The following LZTR1 variants were observed in gnomAD, a reference collection of about 807,000 sequenced individuals.
The protein encoded by LZTR1 is leucine zipper like post translational regulator 1.
LZTR1 carries 260 observed loss-of-function variants against 105.7 expected under a neutral mutation model. The observed-to-expected ratio is 2.46, with a 90% CI of 2.22 to 2.72. The LOEUF is 2.72. Among genes scored for constraint, LZTR1 ranks in the 30% most tolerant of loss-of-function variants. The pLI is 0.00. For missense variants in LZTR1, 1,214 were observed against 1,166.9 expected (o/e 1.04, Z -0.59); for synonymous variants, 490 against 476.4 (o/e 1.03, Z -0.37).
intron 2 of LZTR1, among the ~76,000 whole-genome samples, chr22:20,984,436 C>G (rs1479006922): frequency 2.0e-5 from 3 of 152,194 alleles, no homozygotes; most frequent in African/African-American, 7.2e-5. Context: ...CCTTCATCCT[C>G]AAGAGTGTCC....
chr22:20,992,239 G>C lies in LZTR1; in HGVS notation c.1019G>C (p.Arg340Pro). 1 of 1,613,872 alleles carries C rather than the reference G, an allele frequency of 6.2e-7. No homozygotes were observed. Among genetic ancestry groups the C allele is most frequent in the South Asian group, 1.1e-5 (1 of 91,070 alleles). The stretch of plus-strand genomic sequence containing the variant: ...GTTGGTGGGGCTGAAGTGCCCGAGC[G>C]AGCCTGTGCTTCCGAGGAGGTGCCC... ...SEVGGAEVPERACASEEVPTL... is the reference protein window; with the variant it reads ...SEVGGAEVPEPACASEEVPTL... The change falls in exon 10 of 21, where the codon CGA (arginine) becomes CCA (proline). Residue 340 changes from arginine to proline, a missense_variant. By Grantham distance (103) the Arg-to-Pro change is moderately radical (BLOSUM62 -2). Transcript: ENST00000646124.
At position 20,982,532 on chromosome 22, in the gene LZTR1, G is replaced by A. The variant is rs1323078491; in HGVS notation, c.161G>A (p.Trp54Ter). 1.9e-6 allele frequency: 3 copies of A among 1,612,988 alleles called. No homozygotes were observed. The highest frequency in any genetic ancestry group is 2.2e-5 in the South Asian group (2 of 90,858). Residue 54 changes from tryptophan to a stop codon, truncating the protein, a stop_gained, in exon 1 of 21, where the codon TGG becomes TAG. Transcript: ENST00000646124. LOFTEE classifies it high-confidence loss of function. ...GGGCCCTTCGAAACAGTGCATCGCT[G>A]GCGGCGCCTCCCGCCCTGCGACGAG... ...NFGPFETVHR[W>*]RRLPPCDEFV...
rs150365548 is a variant in LZTR1 at position 20,994,002 on chromosome 22, C to T, written c.1432C>T (p.Arg478Trp). The T allele has an allele frequency of 1.4e-5, 22 of 1,610,326 alleles. No homozygotes were observed. Among genetic ancestry groups the T allele is most frequent in the African/African-American group, 5.3e-5 (4 of 74,926 alleles). Residue 478 changes from arginine to tryptophan, a missense_variant, in exon 13 of 21, where the codon CGG (arginine) becomes TGG (tryptophan). By Grantham distance (101) the Arg-to-Trp change is moderately radical. Coordinates refer to ENST00000646124, the MANE Select transcript of LZTR1 (RefSeq NM_006767.4). Reference sequence around the variant, plus strand: ...GCTTCGCAGGAAGATCACGCAGGCGCGGGAGAGGCTGGCCCAGGTGAGGTG... The same window carrying T: ...GCTTCGCAGGAAGATCACGCAGGCGTGGGAGAGGCTGGCCCAGGTGAGGTG... ...RWLRRKITQA[R>W]ERLAQKLEQE...
rs1924440461 is a variant in LZTR1 at position 20,987,569 on chromosome 22, G to T, written c.386G>T (p.Ser129Ile). 6.2e-7 allele frequency: 1 copy of T among 1,614,018 alleles called. No homozygotes were observed. Among genetic ancestry groups the T allele is most frequent in the East Asian group, 2.2e-5 (1 of 44,888 alleles). Residue 129 changes from serine to isoleucine, a missense_variant, in exon 4 of 21, where the codon AGC becomes ATC. Ser to Ile is a moderately radical substitution (Grantham distance 142, BLOSUM62 -2). Coordinates refer to ENST00000646124, the MANE Select transcript of LZTR1 (RefSeq NM_006767.4). The part of the protein sequence containing the change: ...YHHSAVVYGS[S>I]MFVFGGYTGD... ...CACTCGGCCGTCGTCTATGGGAGCA[G>T]CATGTTTGTCTTTGGTAAGCAGCCT...
Position 20,994,263 on chromosome 22 carries a change from C to A in LZTR1, c.1609C>A (p.Arg537=). 1 of 1,597,836 alleles carries A rather than the reference C, an allele frequency of 6.3e-7. No homozygotes were observed. The highest frequency in any genetic ancestry group is 8.5e-7 in the Non-Finnish European group (1 of 1,179,224). Residue 537 remains arginine, a synonymous_variant, in exon 14 of 21, where the codon CGG becomes AGG. Coordinates refer to ENST00000646124, the MANE Select transcript of LZTR1 (RefSeq NM_006767.4). ...CTACACCGACAAGATCAAATACCCA[C>A]GGAAAGGTCCGCCTGGGTGGGGGTG... ...FLYTDKIKYP[R]KGHVEDVLLI...
chr22:20,989,637 G>A lies in LZTR1; in HGVS notation c.606G>A (p.Met202Ile), dbSNP rs768321121. Residue 202 changes from methionine to isoleucine, a missense_variant, in exon 7 of 21, where the codon ATG becomes ATA. Physicochemically the swap from Met to Ile is conservative, Grantham distance 10. Transcript: ENST00000646124. ...GYDGNARLND[M>I]WTIGLQDREL... Reference sequence around the variant, plus strand: ...TGTCCTAATACAGGTTGAATGACATGTGGACAATTGGCCTCCAGGACCGAG... The same window carrying A: ...TGTCCTAATACAGGTTGAATGACATATGGACAATTGGCCTCCAGGACCGAG... The A allele has an allele frequency of 3.7e-6, 6 of 1,613,588 alleles. No individual in the cohort carries two copies. Among genetic ancestry groups the A allele is most frequent in the African/African-American group, 1.3e-5 (1 of 74,920 alleles).
In LZTR1 at chr22:20,983,037, C is replaced by G. The variant is rs1438837277; in HGVS notation, c.211C>G (p.His71Asp). ...DEFVGARRSK[H>D]TVVAYKDAIY... ...CTCCTTTCTTTCCAGGCGCAGCAAG[C>G]ACACAGTGGTGGCCTATAAAGATGC... The change falls in exon 2 of 21, where the codon CAC becomes GAC. Residue 71 changes from histidine (H) to aspartate (D), a missense_variant. Transcript: ENST00000646124. 1 of 1,613,972 alleles carries G rather than the reference C, an allele frequency of 6.2e-7. No individual in the cohort carries two copies.
chr22:20,996,766 CT>C lies in LZTR1; in HGVS notation c.2291del (p.Leu764ArgfsTer3). 1 of 1,613,636 alleles carries C rather than the reference CT, an allele frequency of 6.2e-7. No homozygotes were observed. The highest frequency in any genetic ancestry group is 8.5e-7 in the Non-Finnish European group (1 of 1,180,016). ...NRLQAYCKQN[L>X]EMNVTVQNVL... ...GCTGCAGGCGTACTGCAAGCAGAAC[CT>C]GGAGATGAACGTGACGGTGCAGAAC... On this transcript the variant is annotated frameshift_variant, in exon 19 of 21. Coordinates refer to ENST00000646124, the MANE Select transcript of LZTR1 (RefSeq NM_006767.4). LOFTEE classifies it high-confidence loss of function.
intron 1 of LZTR1, among the ~76,000 whole-genome samples, chr22:20,982,805 G>T (rs536525199): frequency 2.0e-5 from 3 of 152,186 alleles, no homozygotes; most frequent in Non-Finnish European, 4.4e-5. Flanking sequence ...TATTGGGCTG[G>T]GGTCCCAGGT....
At chr22:20,996,651 C>T (rs369370870) in intron 18 of LZTR1, 45 bp from the exon 19 acceptor site, 97 of 1,538,970 alleles carry the variant, frequency 6.3e-5, no homozygotes, top group Admixed American at 8.4e-5. Context: ...TGGGAGGGTG[C>T]GGGCGGACCA....
At chr22:20,992,476 G>T in intron 10 of LZTR1, 107 bp downstream of exon 10, 12 of 1,276,024 alleles carry the variant, frequency 9.4e-6, no homozygotes, top group Non-Finnish European at 1.3e-5. Context: ...TACTTGCTTG[G>T]GGTCACACCA....
intron 3 of LZTR1, chr22:20,986,747 A>G (rs1924402050): frequency 6.6e-6 from 1 of 152,240 alleles, no homozygotes; most frequent in Non-Finnish European, 1.5e-5. Context: ...TAGATAGATG[A>G]TGGTTAGATA....
chr22:20,991,626 A>G lies in LZTR1; in HGVS notation c.792-2A>G, dbSNP rs1449274241. 1.3e-6 allele frequency: 2 copies of G among 1,582,296 alleles called. No homozygotes were observed. ...CATTGATTCACTGTTGTGTACCCCC[A>G]GGTGGACACGCATCCCAACTGAACA... is the stretch of plus-strand genomic sequence containing the variant. On this transcript the variant is annotated splice_acceptor_variant, in intron 8 of 20. Coordinates refer to ENST00000646124, the MANE Select transcript of LZTR1 (RefSeq NM_006767.4). LOFTEE classifies it high-confidence loss of function.
intron 11 of LZTR1, 33 bp from the exon 12 acceptor site, chr22:20,993,629 G>T (rs757663741): frequency 6.3e-7 from 1 of 1,585,972 alleles, no homozygotes; most frequent in Admixed American, 1.7e-5. Context: ...CCTGCTGTCT[G>T]CAACATCTAG....
rs1222197005 is a variant in LZTR1 at position 20,988,008 on chromosome 22, A to G, written c.401-2A>G. ...TGACAGTTTCTCACTCTCTTTACTC[A>G]GGGGGTTACACTGGGGACATTTATT... is the stretch of plus-strand genomic sequence containing the variant. On this transcript the variant is annotated splice_acceptor_variant, in intron 4 of 20. Transcript: ENST00000646124. LOFTEE classifies it high-confidence loss of function. 1.3e-6 allele frequency: 2 copies of G among 1,560,482 alleles called. No individual in the cohort carries two copies. The highest frequency in any genetic ancestry group is 2.2e-5 in the East Asian group (1 of 44,630).
rs1363393855 is a variant in LZTR1 at position 20,988,980 on chromosome 22, G to A, written c.593+108G>A. 7 of 961,614 alleles carry A rather than the reference G, an allele frequency of 7.3e-6. No homozygotes were observed. The Admixed American group carries it at 9.1e-5, about 13-fold the overall frequency. The allele number at this position is 961,614 out of a possible 1,614,324, so 59.6% of individuals were successfully genotyped here. On this transcript the variant is annotated intron_variant, in intron 6 of 20. Coordinates refer to ENST00000646124, the MANE Select transcript of LZTR1 (RefSeq NM_006767.4). ...GCTGGGAGGATTTTGAGTGCCTGGT[G>A]GATTTTGAGTGCCACTCTGTCTGGG...
chr22:20,994,435 T>A, intron 14 of LZTR1, 123 bp from the exon 15 acceptor site: 1 of 1,266,058 alleles, frequency 7.9e-7, no homozygotes, highest in Non-Finnish European at 1.1e-6. Context: ...GCCATCTGAG[T>A]CCCCCGAGGC....
chr22:20,982,314 C>A lies in LZTR1; in HGVS notation c.-58C>A. Reference sequence around the variant, plus strand: ...CGGGAAATGTGGTTTCTCCAGCCGGCCCGGGGCGGTGGCCGCAAGTTGGGC... The same window carrying A: ...CGGGAAATGTGGTTTCTCCAGCCGGACCGGGGCGGTGGCCGCAAGTTGGGC... On this transcript the variant is annotated 5_prime_UTR_variant, in exon 1 of 21. Transcript: ENST00000646124. 7.3e-7 allele frequency: 1 copy of A among 1,366,748 alleles called. No individual in the cohort carries two copies. The highest frequency in any genetic ancestry group is 9.9e-7 in the Non-Finnish European group (1 of 1,007,178). The allele number at this position is 1,366,748 out of a possible 1,614,324, so 84.7% of individuals were successfully genotyped here. A position where few individuals can be genotyped will look rare whatever the true frequency, so the allele number is the denominator to read the frequency against.
At chr22:20,985,298 G>C (rs968064930) in intron 2 of LZTR1, among the ~76,000 whole-genome samples, 1 of 152,002 alleles carries the variant, frequency 6.6e-6, no homozygotes, top group Non-Finnish European at 1.5e-5. Context: ...GACCTCAAGT[G>C]ATCCGCCCGC....
Sources: gnomAD v4.1 joint callset for allele counts (sites outside exome capture counted in the v4.1 genomes callset) on GRCh38, gnomAD v4.1.1 for gene constraint, MANE v1.5 for transcripts, NCBI Gene and HGNC (gene_info 2026-07-23, HGNC 2026-07-21) for gene names.